Variants in FAT1 observed in about 807,000 individuals in gnomAD.
FAT1 encodes the protein FAT atypical cadherin 1.
A neutral mutation model predicts 329.8 loss-of-function variants in FAT1; 171 were observed. The observed-to-expected ratio is 0.52, with a 90% CI of 0.46 to 0.59. FAT1 has a LOEUF of 0.59. Ranked by LOEUF, FAT1 falls within the 20% of genes least tolerant of loss-of-function variation. The pLI is 0.00. For missense variants in FAT1, 5,672 were observed against 5,774.4 expected, an observed-to-expected ratio of 0.98 and a Z score of 0.57; for synonymous variants, 2,233 against 2,228.6, an observed-to-expected ratio of 1.00 and a Z score of -0.06.
rs138096265 is a variant in FAT1, at chr4:186,708,114, T to C, written c.1714A>G (p.Ile572Val). The C allele has an allele frequency of 9.2e-5, 148 of 1,614,002 alleles. 1 individual carries two copies. The African/African-American group carries it at 1.7e-3, about 19-fold the overall frequency. ...LNDNTPLFEK[I>V]NCEGTIPRDL... ...CTGGGAATTGTCCCTTCACAATTTATTTTCTCAAACAAAGGTGTGTTGTCA... is the reference window on the plus strand; with the variant it reads ...CTGGGAATTGTCCCTTCACAATTTACTTTCTCAAACAAAGGTGTGTTGTCA... Residue 572 changes from isoleucine to valine, a missense_variant, in exon 2 of 27, where the codon ATA (isoleucine) becomes GTA (valine). Transcript: ENST00000441802.
Position 186,636,691 on chromosome 4 carries a change from T to C in FAT1, c.3866A>G (p.Tyr1289Cys), listed in dbSNP as rs1201435849. The C allele has an allele frequency of 6.2e-7, 1 of 1,613,786 alleles. No homozygotes were observed. The highest frequency in any genetic ancestry group is 8.5e-7 in the Non-Finnish European group (1 of 1,179,854). ...KDEGPNAEIS[Y>C]SIEDGNEHGK... ...ATGCTCATTCCCGTCTTCGATGCTG[T>C]AGGAGATTTCTGCATTGGGGCCCTC... The change falls in exon 5 of 27, where the codon TAC becomes TGC. Residue 1289 changes from tyrosine (Y) to cysteine (C), a missense_variant. Around this residue, in one of 2 missense-constraint regions of FAT1, gnomAD observed 3,966 missense variants for 3,915.2 expected, o/e 1.01. Transcript: ENST00000441802.
rs2126684847 is a variant in FAT1, at chr4:186,707,010, G to A, written c.2818C>T (p.Leu940Phe). 1.9e-6 allele frequency: 3 copies of A among 1,614,012 alleles called. No individual in the cohort carries two copies. The highest frequency in any genetic ancestry group is 2.5e-6 in the Non-Finnish European group (3 of 1,179,898). ...PNYRVKVRED[L>F]PEGTVIMWLE... is the part of the protein sequence containing the mutation. The stretch of plus-strand genomic sequence containing the variant: ...CACATGATGACGGTTCCTTCTGGAA[G>A]ATCCTCTCGGACTTTCACACGATAA... Residue 940 changes from leucine (L) to phenylalanine (F), a missense_variant, in exon 2 of 27, where the codon CTT becomes TTT. By Grantham distance (22) the Leu-to-Phe change is conservative (BLOSUM62 0). Coordinates refer to ENST00000441802, the MANE Select transcript of FAT1 (RefSeq NM_005245.4).
Position 186,620,233 on chromosome 4 carries a change from T to C in FAT1, c.6353A>G (p.Tyr2118Cys). The stretch of plus-strand genomic sequence containing the variant: ...GTGTTCATGATGTTCCTTGAGGTAG[T>C]AATGCACTTCCCCGTTTCTGCCACT... ...RDSGRNGEVHYYLKEHHEHFQ... is the reference protein window; with the variant it reads ...RDSGRNGEVHCYLKEHHEHFQ... The change falls in exon 10 of 27, where the codon TAC becomes TGC. Residue 2118 changes from tyrosine (Y) to cysteine (C), a missense_variant. Tyr to Cys is a radical substitution (Grantham distance 194). This residue lies in a region of FAT1 where 3,966 missense variants were observed against 3,915.2 expected (regional missense o/e 1.01). Transcript: ENST00000441802. 1.2e-6 allele frequency: 2 copies of C among 1,614,058 alleles called. No individual in the cohort carries two copies. The highest frequency in any genetic ancestry group is 1.1e-5 in the South Asian group (1 of 91,088).
At chr4:186,609,580 C>A (rs1202814718) in intron 15 of FAT1, among the ~76,000 whole-genome samples, 1 of 152,022 alleles carries the variant, frequency 6.6e-6, no homozygotes, top group Non-Finnish European at 1.5e-5. Context: ...CCACGCCTGG[C>A]TAATTTTTTT....
chr4:186,702,392 A>G (rs927537066), intron 2 of FAT1, among the ~76,000 whole-genome samples: 21 of 152,180 alleles, frequency 1.4e-4, no homozygotes, highest in African/African-American at 5.1e-4. Flanking sequence ...GGCTCCCCAA[A>G]TAAGTAGAGT....
chr4:186,608,392 T>C (rs1478402714), intron 16 of FAT1, among the ~76,000 whole-genome samples: 1 of 152,110 alleles, frequency 6.6e-6, no homozygotes, highest in Non-Finnish European at 1.5e-5. Context: ...TTTTTGTTGT[T>C]GTATTGTTAT....
chr4:186,707,959 T>A lies in FAT1; in HGVS notation c.1869A>T (p.Val623=), dbSNP rs2126692692. The change falls in exon 2 of 27, where the codon GTA becomes GTT. Residue 623 remains valine (V), a synonymous_variant. Coordinates refer to ENST00000441802, the MANE Select transcript of FAT1 (RefSeq NM_005245.4). ...DFFSLNPNSG[V]LSLKRSLMDG... ...CCATTAGCGATCGCTTTAATGACAA[T>A]ACCCCCGAGTTGGGGTTTAAACTAA... is the stretch of plus-strand genomic sequence containing the variant. 6.2e-7 allele frequency: 1 copy of A among 1,613,898 alleles called. No homozygotes were observed.
At chr4:186,725,027 G>T (rs998431663), upstream of FAT1, among the ~76,000 whole-genome samples, 4 of 152,138 alleles carry the variant, frequency 2.6e-5, no homozygotes, top group African/African-American at 9.7e-5. This position sits in a 1 kb window ranked among gnomAD's most constrained non-coding sequence, Gnocchi z 5.4. Context: ...TTGTGGCTGG[G>T]AAGGAAAAAT....
intron 2 of FAT1, among the ~76,000 whole-genome samples, chr4:186,671,596 G>A (rs1332523653): frequency 6.6e-6 from 1 of 152,130 alleles, no homozygotes; most frequent in Non-Finnish European, 1.5e-5. Context: ...CTACTTGGGA[G>A]GCTGAGGTAG....
In FAT1 at chr4:186,707,153, G is replaced by A. The variant is rs1744666741; in HGVS notation, c.2675C>T (p.Ser892Phe). The A allele has an allele frequency of 1.9e-6, 3 of 1,613,784 alleles. No homozygotes were observed. The highest frequency in any genetic ancestry group is 2.5e-6 in the Non-Finnish European group (3 of 1,179,880). Residue 892 changes from serine to phenylalanine, a missense_variant, in exon 2 of 27, where the codon TCC (serine) becomes TTC (phenylalanine). Ser to Phe is a radical substitution (Grantham distance 155). Transcript: ENST00000441802. The stretch of plus-strand genomic sequence containing the variant: ...TTGGTCCCTGGCCTCAATCTTTAAG[G>A]AGTGCTCATGCTGCAGCTCTCGATC... ...PLDRELQHEH[S>F]LKIEARDQAR...
chr4:186,645,366 C>CATAT (rs70964973), intron 3 of FAT1, among the ~76,000 whole-genome samples: 23 of 35,434 alleles, frequency 6.5e-4, no homozygotes, highest in Admixed American at 1.6e-3. Context: ...TACTTCATTA[C>CATAT]ATATATATAT....
rs1181931981 is a variant in FAT1, at chr4:186,617,730, T to C, written c.8856A>G (p.Arg2952=). 1 of 1,578,726 alleles carries C rather than the reference T, an allele frequency of 6.3e-7. No homozygotes were observed. The highest frequency in any genetic ancestry group is 1.2e-5 in the South Asian group (1 of 85,634). ...TTDADSEEIN[R]QVTYFITGGD... ...TACCTGTTATGAAATATGTAACTTG[T>C]CTGTTGATCTCTTCAGAATCAGCAT... The change falls in exon 10 of 27, where the codon AGA becomes AGG. Residue 2952 remains arginine, a synonymous_variant. Transcript: ENST00000441802.
At chr4:186,647,035 T>C (rs550109016) in intron 3 of FAT1, among the ~76,000 whole-genome samples, 1 of 152,222 alleles carries the variant, frequency 6.6e-6, no homozygotes, top group African/African-American at 2.4e-5. Flanking sequence ...ATGTTTACGA[T>C]CTCAGTCACC....
chr4:186,663,629 A>G lies in FAT1; in HGVS notation c.3266-16T>C, dbSNP rs1188981523. 6 of 1,583,124 alleles carry G rather than the reference A, an allele frequency of 3.8e-6. No homozygotes were observed. Among genetic ancestry groups the G allele is most frequent in the South Asian group, 1.1e-5 (1 of 89,388 alleles). On this transcript the variant is annotated splice_polypyrimidine_tract_variant and intron_variant, in intron 2 of 26. Coordinates refer to ENST00000441802, the MANE Select transcript of FAT1 (RefSeq NM_005245.4). Reference sequence around the variant, plus strand: ...TCTATGACACCTACAGAGAAAAAAGAAAAGCGTAAAGCAGCACATCAACGA... The same window carrying G: ...TCTATGACACCTACAGAGAAAAAAGGAAAGCGTAAAGCAGCACATCAACGA...
intron 6 of FAT1, 129 bp downstream of exon 6, chr4:186,635,895 AG>A: frequency 7.8e-6 from 6 of 766,282 alleles, no homozygotes; most frequent in East Asian, 2.7e-5. Flanking sequence ...TATAGTTGAA[AG>A]CAAATTCTCC....
chr4:186,604,319 C>G (rs1021412674), intron 18 of FAT1, 58 bp downstream of exon 18: 1 of 1,426,360 alleles, frequency 7.0e-7, no homozygotes, highest in Non-Finnish European at 9.6e-7. Flanking sequence ...AGGGGAACCA[C>G]GCCAAGCAGC....
chr4:186,679,391 T>G (rs1187016218), intron 2 of FAT1, among the ~76,000 whole-genome samples: 4 of 118,704 alleles, frequency 3.4e-5, no homozygotes, highest in African/African-American at 1.3e-4. Flanking sequence ...CACTCCAGCC[T>G]GGGTGACAGA....
intron 16 of FAT1, 108 bp downstream of exon 16, chr4:186,609,075 G>A (rs1292840339): frequency 5.6e-6 from 7 of 1,247,650 alleles, no homozygotes; most frequent in Non-Finnish European, 7.7e-6. Context: ...GTCAGTTCTT[G>A]AGGCGGTCAG....
chr4:186,637,013 C>T, intron 4 of FAT1, 99 bp from the exon 5 acceptor site: 1 of 1,094,812 alleles, frequency 9.1e-7, no homozygotes, highest in South Asian at 1.5e-5. Context: ...TAAAGCTCTG[C>T]ATTTTGCAGG....
Sources: allele counts gnomAD v4.1 joint callset (sites outside exome capture counted in the v4.1 genomes callset), GRCh38; gene constraint gnomAD v4.1.1; regional missense constraint gnomAD v4.1.1; non-coding constraint Gnocchi (gnomAD v3.1); transcripts MANE v1.5; gene names NCBI Gene and HGNC (gene_info 2026-07-23, HGNC 2026-07-21).